The following SLC2A14 variants were observed in gnomAD, a reference collection of about 807,000 sequenced individuals.
The protein encoded by SLC2A14 is solute carrier family 2, facilitated glucose transporter member 14.
In SLC2A14, 13 loss-of-function variants were observed where a neutral mutation model predicts 43.0. The observed-to-expected ratio is 0.30, with a 90% CI of 0.20 to 0.48. The LOEUF (loss-of-function observed/expected upper bound fraction) is 0.48. Ranked by LOEUF, SLC2A14 falls within the 20% of genes least tolerant of loss-of-function variation. The pLI is 0.99. For synonymous variants in SLC2A14, 190 were observed against 233.8 expected, an observed-to-expected ratio of 0.81 and a Z score of 1.71; for missense variants, 428 against 620.4, an observed-to-expected ratio of 0.69 and a Z score of 3.29.
chr12:7,857,958 T>C lies in SLC2A14; in HGVS notation c.18+11905A>G, dbSNP rs762869749. Among the ~76,000 whole-genome samples, 8 of 152,164 alleles carry C rather than the reference T, an allele frequency of 5.3e-5. No individual in the cohort carries two copies. The South Asian group carries it at 1.7e-3, about 32-fold the overall frequency. ...GGCCAACATGGTGAAACCCCGTCTT[T>C]ACTAAAAACAACAAAAAAATTAAAA... On this transcript the variant is annotated intron_variant, in intron 2 of 10. Transcript: ENST00000431042.
intron 2 of SLC2A14, among the ~76,000 whole-genome samples, chr12:7,843,023 T>C (rs1049399329): frequency 2.6e-5 from 4 of 152,008 alleles, no homozygotes; most frequent in Non-Finnish European, 4.4e-5. Context: ...CCACCGCGCC[T>C]GGCCACATAA....
chr12:7,856,285 C>T (rs1383921137), intron 2 of SLC2A14: 3 of 152,070 alleles, frequency 2.0e-5, no homozygotes, highest in Non-Finnish European at 4.4e-5. Context: ...GGTGTTGACA[C>T]TAAGTTTGGC....
chr12:7,822,332 A>G (rs890023621), intron 7 of SLC2A14, among the ~76,000 whole-genome samples: 1 of 151,636 alleles, frequency 6.6e-6, no homozygotes, highest in African/African-American at 2.4e-5. Context: ...GCTTATTCCC[A>G]CTGTTCCATT....
intron 7 of SLC2A14, among the ~76,000 whole-genome samples, chr12:7,826,909 C>CTT (rs1555121674): frequency 0.18 from 14,505 of 81,074 alleles, 2,916 homozygotes; most frequent in African/African-American, 0.26. Context: ...TTCTTTCTTT[C>CTT]TTTCTTTTTC....
chr12:7,862,527 A>C (rs955927927), intron 2 of SLC2A14, among the ~76,000 whole-genome samples: 29 of 151,812 alleles, frequency 1.9e-4, no homozygotes, highest in Non-Finnish European at 2.6e-4. Context: ...CCCCTGCTCC[A>C]CGGCGCCCAG....
chr12:7,871,761 T>C (rs1177165097), intron 1 of SLC2A14: 2 of 282,276 alleles, frequency 7.1e-6, no homozygotes, highest in Non-Finnish European at 1.1e-5. Flanking sequence ...TGAGATCCAA[T>C]ACCATTTCAC....
chr12:7,838,817 G>T (rs370099037), intron 2 of SLC2A14, among the ~76,000 whole-genome samples: 33 of 152,334 alleles, frequency 2.2e-4, no homozygotes, highest in South Asian at 6.2e-4. Flanking sequence ...TAGTAACTTA[G>T]AATGGAACTG....
intron 2 of SLC2A14, among the ~76,000 whole-genome samples, chr12:7,863,101 A>C (rs979496150): frequency 2.6e-5 from 4 of 152,032 alleles, no homozygotes; most frequent in African/African-American, 9.7e-5. Context: ...CTCACTTTTT[A>C]TGTCCACGTT....
At chr12:7,880,658 CT>C (rs1945551980) in intron 1 of SLC2A14, among the ~76,000 whole-genome samples, 1 of 140,908 alleles carries the variant, frequency 7.1e-6, no homozygotes, top group Non-Finnish European at 1.5e-5. Flanking sequence ...GAAACCCTGT[CT>C]CTACTAAAAA....
chr12:7,887,263 A>G (rs1412072807), intron 1 of SLC2A14, among the ~76,000 whole-genome samples: 1 of 151,998 alleles, frequency 6.6e-6, no homozygotes, highest in Admixed American at 6.6e-5. Context: ...AGTAGTTCTT[A>G]AACAATAGCA....
At chr12:7,855,552 T>A (rs180828751) in intron 2 of SLC2A14, among the ~76,000 whole-genome samples, 39 of 152,244 alleles carry the variant, frequency 2.6e-4, no homozygotes, top group African/African-American at 9.1e-4. Context: ...CAGCTGCCTG[T>A]TCTCCTCAAC....
At chr12:7,839,755 A>G (rs923856386) in intron 2 of SLC2A14, 8 of 443,250 alleles carry the variant, frequency 1.8e-5, no homozygotes, top group African/African-American at 1.4e-4. Context: ...CTCTGCCTCC[A>G]TGGAGGGAGT....
chr12:7,871,068 G>C, intron 1 of SLC2A14: 1 of 1,397,796 alleles, frequency 7.2e-7, no homozygotes. Context: ...AATACCTGCA[G>C]GGCATGATGA....
intron 4 of SLC2A14, among the ~76,000 whole-genome samples, chr12:7,831,091 T>C (rs1864979829): frequency 6.9e-6 from 1 of 144,066 alleles, no homozygotes; most frequent in Non-Finnish European, 1.5e-5. Flanking sequence ...ACCATTGCAC[T>C]CCAGCCTAGG....
chr12:7,827,009 CTCTCT>C (rs1483742192), intron 7 of SLC2A14, among the ~76,000 whole-genome samples: 4 of 137,574 alleles, frequency 2.9e-5, no homozygotes, highest in South Asian at 2.5e-4. Context: ...TCCTTTCTCT[CTCTCT>C]CTTTCTCTCC....
intron 1 of SLC2A14, among the ~76,000 whole-genome samples, chr12:7,881,355 C>A (rs1238773942): frequency 3.3e-5 from 5 of 151,826 alleles, no homozygotes; most frequent in South Asian, 2.1e-4. Flanking sequence ...TTGGGCTCGG[C>A]GGGCCCCGCA....
chr12:7,842,676 G>A (rs1195851778), intron 2 of SLC2A14, among the ~76,000 whole-genome samples: 1 of 150,268 alleles, frequency 6.7e-6, no homozygotes, highest in Non-Finnish European at 1.5e-5. Flanking sequence ...ACAGCTACAT[G>A]ATGACTGAAG....
At chr12:7,859,583 G>A (rs1944434524) in intron 2 of SLC2A14, among the ~76,000 whole-genome samples, 1 of 152,034 alleles carries the variant, frequency 6.6e-6, no homozygotes, top group Non-Finnish European at 1.5e-5. Flanking sequence ...AGAAACTGAG[G>A]GCCAGTTGTC....
intron 10 of SLC2A14, 109 bp downstream of exon 10, chr12:7,817,722 C>T (rs915970663): frequency 6.7e-5 from 69 of 1,034,936 alleles, no homozygotes; most frequent in Non-Finnish European, 8.2e-5. Flanking sequence ...CACACCAGGG[C>T]GAGACTCAGT....
Sources: gnomAD v4.1 joint callset for allele counts (sites outside exome capture counted in the v4.1 genomes callset) on GRCh38, gnomAD v4.1.1 for gene constraint, MANE v1.5 for transcripts, NCBI Gene and HGNC (gene_info 2026-07-23, HGNC 2026-07-21) for gene names.